The following FGF12 variants were observed in gnomAD, a reference collection of about 807,000 sequenced individuals.
FGF12 encodes fibroblast growth factor 12, also known as fibroblast growth factor 12B.
Under a neutral mutation model 23.6 loss-of-function variants are expected in FGF12, and 14 were observed. The ratio of observed to expected loss-of-function variants is 0.59; its 90% CI spans 0.39 to 0.93. FGF12 has a LOEUF of 0.93. FGF12 is among the 40% of genes least tolerant of loss of function. The pLI is 0.00. For synonymous variants in FGF12, 62 were observed against 77.3 expected, an observed-to-expected ratio of 0.80 and a Z score of 1.04; for missense variants, 175 against 217.8, an observed-to-expected ratio of 0.80 and a Z score of 1.24.
intron 2 of FGF12, among the ~76,000 whole-genome samples, chr3:192,526,688 T>C (rs1724953544): frequency 6.6e-6 from 1 of 152,174 alleles, no homozygotes; most frequent in Non-Finnish European, 1.5e-5. Flanking sequence ...ACTCAAAACA[T>C]AGGAAATGGT....
intron 2 of FGF12, among the ~76,000 whole-genome samples, chr3:192,378,028 T>TCTCTCTCTTTCTTTCTTTCTCTCTCTC (rs10685325): frequency 1.2e-5 from 1 of 81,578 alleles, no homozygotes; most frequent in Non-Finnish European, 2.6e-5. Flanking sequence ...ACTCTTTCTT[T>TCTCTCTCTTTCTTTCTTTCTCTCTCTC]TCTTTCTTTC....
intron 2 of FGF12, among the ~76,000 whole-genome samples, chr3:192,552,485 A>G (rs1333746561): frequency 6.6e-6 from 1 of 152,216 alleles, no homozygotes; most frequent in African/African-American, 2.4e-5. Context: ...TGAGTATATT[A>G]TAATCAAAGT....
chr3:192,351,979 C>T (rs1718239574), intron 3 of FGF12, among the ~76,000 whole-genome samples: 1 of 152,208 alleles, frequency 6.6e-6, no homozygotes, highest in Non-Finnish European at 1.5e-5. Context: ...TATGTAAAAG[C>T]TCCAAGACAT....
intron 4 of FGF12, among the ~76,000 whole-genome samples, chr3:192,191,705 A>G (rs1267269961): frequency 6.6e-6 from 1 of 152,018 alleles, no homozygotes; most frequent in Non-Finnish European, 1.5e-5. Flanking sequence ...GCATGGTGGC[A>G]GGCGCCTGTA....
chr3:192,462,908 T>C (rs1256927064), intron 2 of FGF12, among the ~76,000 whole-genome samples: 1 of 152,204 alleles, frequency 6.6e-6, no homozygotes, highest in Non-Finnish European at 1.5e-5. Context: ...ACAACTGTAA[T>C]GGCTTACGAA....
At chr3:192,242,602 T>A (rs1719679858) in intron 4 of FGF12, among the ~76,000 whole-genome samples, 1 of 151,976 alleles carries the variant, frequency 6.6e-6, no homozygotes, top group Admixed American at 6.6e-5. Flanking sequence ...CAAATTAATA[T>A]GAAACCTGAA....
chr3:192,203,642 C>A (rs1160892453), intron 4 of FGF12, among the ~76,000 whole-genome samples: 1 of 149,800 alleles, frequency 6.7e-6, no homozygotes, highest in Non-Finnish European at 1.5e-5. Flanking sequence ...AATCATGGCT[C>A]ACTGCAGCCT....
At chr3:192,647,690 T>TAC in intron 2 of FGF12, among the ~76,000 whole-genome samples, 1 of 147,518 alleles carries the variant, frequency 6.8e-6, no homozygotes, top group Middle Eastern at 3.6e-3. Flanking sequence ...TATACATATA[T>TAC]ATGTATATAT....
chr3:192,649,079 G>C (rs1421291767), intron 2 of FGF12, among the ~76,000 whole-genome samples: 5 of 152,158 alleles, frequency 3.3e-5, no homozygotes, highest in Non-Finnish European at 5.9e-5. Flanking sequence ...AAAAGTTGAA[G>C]GCTTTTGAGT....
At chr3:192,264,689 G>A (rs1194948264) in intron 4 of FGF12, among the ~76,000 whole-genome samples, 1 of 152,060 alleles carries the variant, frequency 6.6e-6, no homozygotes, top group African/African-American at 2.4e-5. Flanking sequence ...AGAATCTTAT[G>A]ATGATTTGAC....
intron 4 of FGF12, among the ~76,000 whole-genome samples, chr3:192,217,729 C>G (rs111761326): frequency 6.6e-6 from 1 of 152,160 alleles, no homozygotes; most frequent in Non-Finnish European, 1.5e-5. Context: ...GCATTTAGTT[C>G]TTTTAAAATC....
chr3:192,322,821 A>G (rs1716620994), intron 4 of FGF12, among the ~76,000 whole-genome samples: 1 of 152,178 alleles, frequency 6.6e-6, no homozygotes, highest in Non-Finnish European at 1.5e-5. Flanking sequence ...CTAGACCTCT[A>G]TCTCTTGTCA....
At chr3:192,206,864 GC>G (rs1405394999) in intron 4 of FGF12, among the ~76,000 whole-genome samples, 1 of 152,044 alleles carries the variant, frequency 6.6e-6, no homozygotes, top group East Asian at 1.9e-4. Flanking sequence ...CTCCTGGAGG[GC>G]CCCCTGGAAG....
At chr3:192,703,350 GA>G (rs2108731774) in intron 2 of FGF12, among the ~76,000 whole-genome samples, 1 of 152,306 alleles carries the variant, frequency 6.6e-6, no homozygotes, top group South Asian at 2.1e-4. Flanking sequence ...ACCTTAATTT[GA>G]AAACACATCA....
At chr3:192,595,467 T>C (rs1363586742) in intron 2 of FGF12, among the ~76,000 whole-genome samples, 1 of 152,192 alleles carries the variant, frequency 6.6e-6, no homozygotes, top group Non-Finnish European at 1.5e-5. Context: ...TTTGAGTTCT[T>C]AACGTCTGAC....
At chr3:192,572,903 C>T (rs923895803) in intron 2 of FGF12, among the ~76,000 whole-genome samples, 1 of 151,746 alleles carries the variant, frequency 6.6e-6, no homozygotes, top group Non-Finnish European at 1.5e-5. Context: ...TTTTTCCAAC[C>T]GTTAGAATTA....
chr3:192,672,961 A>C lies in FGF12; in HGVS notation c.13+54220T>G, dbSNP rs880774. Reference sequence around the variant, plus strand: ...TAAAGTCCAATCCAAAAGGCAATAAAAGAAATGCATAAGAAAGGTGCAGCT... The same window carrying C: ...TAAAGTCCAATCCAAAAGGCAATAACAGAAATGCATAAGAAAGGTGCAGCT... On this transcript the variant is annotated intron_variant, in intron 2 of 5. Coordinates refer to ENST00000445105, the MANE Select transcript of FGF12 (RefSeq NM_004113.6). The C allele has an allele frequency of 2.0e-5, 3 of 150,818 alleles. 1 individual carries two copies. The highest frequency in any genetic ancestry group is 4.5e-5 in the Non-Finnish European group (3 of 67,404). The allele number at this position is 150,818 out of a possible 1,614,324, so 9.3% of individuals were successfully genotyped here.
chr3:192,148,426 G>C (rs1356537771), intron 5 of FGF12, among the ~76,000 whole-genome samples: 1 of 152,156 alleles, frequency 6.6e-6, no homozygotes, highest in Non-Finnish European at 1.5e-5. Flanking sequence ...GCAAAAAATA[G>C]AACTGTACTT....
At chr3:192,401,734 C>CGATT (rs993896077) in intron 2 of FGF12, among the ~76,000 whole-genome samples, 13 of 152,284 alleles carry the variant, frequency 8.5e-5, no homozygotes, top group African/African-American at 3.1e-4. Flanking sequence ...CAAGGCCCTG[C>CGATT]GGTTCTTGCC....
Sources: gnomAD v4.1 joint callset for allele counts (sites outside exome capture counted in the v4.1 genomes callset) on GRCh38, gnomAD v4.1.1 for gene constraint, MANE v1.5 for transcripts, NCBI Gene and HGNC (gene_info 2026-07-23, HGNC 2026-07-21) for gene names.